MTMR3: variants seen among roughly 807,000 people sequenced by gnomAD.
The protein encoded by MTMR3 is myotubularin related protein 3.
MTMR3 carries 32 observed loss-of-function variants against 132.4 expected under a neutral mutation model. That is an observed-to-expected ratio of 0.24 (90% CI 0.18 to 0.32). The LOEUF (loss-of-function observed/expected upper bound fraction) is 0.32, where lower values mean the gene tolerates loss of function less well. Among genes scored for constraint, MTMR3 ranks in the 10% least tolerant of loss-of-function variants. The probability of loss-of-function intolerance (pLI) is 1.00; values close to 1 mark genes in which losing one functional copy is unlikely to be tolerated. For synonymous variants in MTMR3, 556 were observed against 550.3 expected (o/e 1.01, Z -0.14); for missense variants, 1,216 against 1,489.6 (o/e 0.82, Z 3.02).
rs202157672 is a variant in MTMR3 at position 29,984,105 on chromosome 22, C to T, written c.211-4375C>T. On this transcript the variant is annotated intron_variant, in intron 5 of 19. Transcript: ENST00000401950. ...AAGTGCTGGGTTTATAGATGTGAGT[C>T]GTCGTGCCCGGCCCTGATTAGTTTT... The T allele has an allele frequency of 6.6e-5, 10 of 152,178 alleles. No individual in the cohort carries two copies. In the East Asian group the frequency reaches 1.9e-3, roughly 29 times the overall value. 9.4% of individuals were successfully genotyped at this position (152,178 alleles called of 1,614,324 possible).
chr22:29,940,243 G>C lies in MTMR3; in HGVS notation c.-137-16793G>C, dbSNP rs567816376. Among the ~76,000 whole-genome samples the C allele has an allele frequency of 8.5e-5, 13 of 152,232 alleles. No individual in the cohort carries two copies. In the South Asian group the frequency reaches 2.7e-3, roughly 32 times the overall value. On this transcript the variant is annotated intron_variant, in intron 1 of 19. Coordinates refer to ENST00000401950, the MANE Select transcript of MTMR3 (RefSeq NM_021090.4). ...AGATTGTGCCACTGCACGCCAGCCT[G>C]GGGGACAGAGCGAGACTCCGTTTCA... is the stretch of plus-strand genomic sequence containing the variant.
intron 1 of MTMR3, among the ~76,000 whole-genome samples, chr22:29,915,750 T>G (rs1022076569): frequency 1.3e-5 from 2 of 152,220 alleles, no homozygotes; most frequent in East Asian, 3.8e-4. Flanking sequence ...TTGTTGTTAT[T>G]AAATGATGGG....
intron 5 of MTMR3, chr22:29,982,357 TC>T (rs2066766273): frequency 6.6e-6 from 1 of 152,080 alleles, no homozygotes; most frequent in Non-Finnish European, 1.5e-5. Flanking sequence ...CAAGGATTCT[TC>T]CTGCATCGGG....
At chr22:29,928,673 ATTTTT>A (rs559217140) in intron 1 of MTMR3, among the ~76,000 whole-genome samples, 1 of 149,392 alleles carries the variant, frequency 6.7e-6, no homozygotes, top group Non-Finnish European at 1.5e-5. Context: ...TTTAAAAAAA[ATTTTT>A]TTTTAAGTTT....
intron 19 of MTMR3, chr22:30,023,299 C>A: frequency 1.4e-6 from 1 of 706,390 alleles, no homozygotes; most frequent in East Asian, 2.6e-5. Flanking sequence ...TTATCTGAAT[C>A]ATGCCATAGC....
intron 1 of MTMR3, among the ~76,000 whole-genome samples, chr22:29,912,034 C>T (rs916414604): frequency 1.3e-4 from 20 of 152,176 alleles, no homozygotes; most frequent in African/African-American, 3.9e-4. Context: ...GAGAAAAACT[C>T]GGTGAAAAGT....
intron 1 of MTMR3, among the ~76,000 whole-genome samples, chr22:29,886,515 C>A (rs1464095053): frequency 1.3e-5 from 2 of 152,174 alleles, no homozygotes; most frequent in Non-Finnish European, 2.9e-5. Context: ...CTTAACTTCT[C>A]TGGGCGTCAG....
chr22:29,962,509 C>A (rs759841076), intron 2 of MTMR3, among the ~76,000 whole-genome samples: 4 of 151,852 alleles, frequency 2.6e-5, no homozygotes, highest in African/African-American at 4.8e-5. Flanking sequence ...CTTTTCCCCC[C>A]ACAAAAATAA....
intron 1 of MTMR3, among the ~76,000 whole-genome samples, chr22:29,909,841 C>G (rs1301207746): frequency 2.0e-5 from 3 of 152,152 alleles, no homozygotes; most frequent in Non-Finnish European, 4.4e-5. Context: ...TCAGATCGAG[C>G]TTGAAAGAAA....
chr22:30,010,649 A>G (rs1027959040), intron 12 of MTMR3: 6 of 152,242 alleles, frequency 3.9e-5, no homozygotes, highest in South Asian at 2.1e-4. Context: ...AGTCACAGAC[A>G]ACACCAACTG....
chr22:29,943,456 C>T lies in MTMR3; in HGVS notation c.-137-13580C>T, dbSNP rs2065895690. 6.6e-5 allele frequency among the ~76,000 whole-genome samples: 10 copies of T among 152,126 alleles called. No individual in the cohort carries two copies. The South Asian group carries it at 2.1e-3, about 32-fold the overall frequency. On this transcript the variant is annotated intron_variant, in intron 1 of 19. Transcript: ENST00000401950. ...CCGCCCGTCTCGGCCTCCCAAAGTG[C>T]TGGGATTACAGGCGTGAGCCACCGC...
chr22:30,013,215 A>G, intron 13 of MTMR3, 141 bp from the exon 14 acceptor site: 1 of 703,452 alleles, frequency 1.4e-6, no homozygotes, highest in Non-Finnish European at 2.4e-6. Flanking sequence ...CATCAGGGAT[A>G]GAGCCTTCCA....
chr22:29,921,937 C>T (rs576743242), intron 1 of MTMR3, among the ~76,000 whole-genome samples: 146 of 151,684 alleles, frequency 9.6e-4, no homozygotes, highest in Non-Finnish European at 1.6e-3. Context: ...CAACCTCGAC[C>T]TCTTGGGTTG....
intron 1 of MTMR3, among the ~76,000 whole-genome samples, chr22:29,922,892 T>G (rs12159712): frequency 3.7e-4 from 53 of 144,144 alleles, no homozygotes; most frequent in African/African-American, 1.4e-3. Flanking sequence ...TGACTAGTGT[T>G]TTTTTTTTTT....
At chr22:30,019,106 C>G (rs1409871896) in intron 16 of MTMR3, 1 of 177,108 alleles carries the variant, frequency 5.6e-6, no homozygotes, top group Non-Finnish European at 1.2e-5. Context: ...ACTCAGGAGG[C>G]TGAGGCAGGA....
intron 1 of MTMR3, among the ~76,000 whole-genome samples, chr22:29,898,106 G>C (rs2064938221): frequency 6.6e-6 from 1 of 152,114 alleles, no homozygotes; most frequent in Non-Finnish European, 1.5e-5. Flanking sequence ...CTCTCGAGTA[G>C]CTGGGATTAC....
intron 2 of MTMR3, among the ~76,000 whole-genome samples, chr22:29,964,958 T>C (rs1278408808): frequency 1.3e-5 from 2 of 152,148 alleles, no homozygotes; most frequent in African/African-American, 4.8e-5. Context: ...TTCCTCCTTT[T>C]AGTTCTTCAA....
chr22:29,946,261 T>C (rs1337628310), intron 1 of MTMR3, among the ~76,000 whole-genome samples: 1 of 152,038 alleles, frequency 6.6e-6, no homozygotes, highest in Non-Finnish European at 1.5e-5. Context: ...ATTAAGGAGC[T>C]GTGGTGGGGA....
intron 5 of MTMR3, chr22:29,982,935 G>GTTTTTTTTTTT (rs368961635): frequency 7.6e-6 from 1 of 131,216 alleles, no homozygotes; most frequent in African/African-American, 3.0e-5. Context: ...TTAAAAGTTT[G>GTTTTTTTTTTT]TTTGTGTGTG....
Sources: allele counts gnomAD v4.1 joint callset (sites outside exome capture counted in the v4.1 genomes callset), GRCh38; gene constraint gnomAD v4.1.1; transcripts MANE v1.5; gene names NCBI Gene and HGNC (gene_info 2026-07-23, HGNC 2026-07-21).